Variants in ACCSL observed in about 807,000 individuals in gnomAD.
The protein encoded by ACCSL is 1-aminocyclopropane-1-carboxylate synthase homolog (inactive) like, also known as probable inactive 1-aminocyclopropane-1-carboxylate synthase-like protein 2.
ACCSL carries 55 observed loss-of-function variants against 61.7 expected under a neutral mutation model. The observed-to-expected ratio is 0.89, with a 90% confidence interval of 0.72 to 1.12. The LOEUF (loss-of-function observed/expected upper bound fraction) is 1.12. Among genes scored for constraint, ACCSL ranks in the 50% most tolerant of loss-of-function variants. The pLI is 0.00. For synonymous variants in ACCSL, 258 were observed against 264.3 expected, an observed-to-expected ratio of 0.98 and a Z score of 0.23; for missense variants, 632 against 698.0, an observed-to-expected ratio of 0.91 and a Z score of 1.07.
chr11:44,041,409 C>A, the ACCSL span, among the ~76,000 whole-genome samples: 1 of 152,152 alleles, frequency 6.6e-6, no homozygotes, highest in Non-Finnish European at 1.5e-5. Context: ...TTAGCTATAT[C>A]TAATTGCCTG....
chr11:43,955,627 G>A, the ACCSL span, among the ~76,000 whole-genome samples: 1 of 152,090 alleles, frequency 6.6e-6, no homozygotes, highest in Non-Finnish European at 1.5e-5. Flanking sequence ...GGTTCAGTGG[G>A]TCTGGGTGAA....
the ACCSL span, among the ~76,000 whole-genome samples, chr11:43,958,627 C>T: frequency 6.6e-6 from 1 of 152,230 alleles, no homozygotes; most frequent in South Asian, 2.1e-4. Context: ...TGGGCAGTTA[C>T]ACATTCAGTC....
intron 9 of ACCSL, among the ~76,000 whole-genome samples, chr11:44,055,748 C>A (rs1952667256): frequency 6.6e-6 from 1 of 152,262 alleles, no homozygotes; most frequent in African/African-American, 2.4e-5. Flanking sequence ...TGACCCACAT[C>A]TGAAGAGCCA....
the ACCSL span, among the ~76,000 whole-genome samples, chr11:43,966,052 A>T: frequency 1.3e-5 from 2 of 152,176 alleles, no homozygotes; most frequent in African/African-American, 4.8e-5. Context: ...GGATTTGTCA[A>T]TGGTTTCTTA....
the ACCSL span, among the ~76,000 whole-genome samples, chr11:43,964,037 T>A: frequency 6.6e-6 from 1 of 150,898 alleles, no homozygotes; most frequent in African/African-American, 2.4e-5. Flanking sequence ...CAGTATAGAG[T>A]TGGATTTTAT....
the ACCSL span, among the ~76,000 whole-genome samples, chr11:44,040,135 G>A: frequency 6.6e-6 from 1 of 152,210 alleles, no homozygotes; most frequent in Non-Finnish European, 1.5e-5. Context: ...TCTGCCCTGG[G>A]TTAACCCACT....
At chr11:43,984,165 T>C in the ACCSL span, among the ~76,000 whole-genome samples, 1 of 152,014 alleles carries the variant, frequency 6.6e-6, no homozygotes, top group African/African-American at 2.4e-5. Flanking sequence ...TGAGACATAA[T>C]GTATATAAAA....
At chr11:43,962,662 G>A in the ACCSL span, among the ~76,000 whole-genome samples, 12 of 152,282 alleles carry the variant, frequency 7.9e-5, no homozygotes, top group South Asian at 2.3e-3. Flanking sequence ...AATAGCTGTC[G>A]TTAATGCAAG....
the ACCSL span, among the ~76,000 whole-genome samples, chr11:44,027,047 A>G: frequency 6.6e-6 from 1 of 152,144 alleles, no homozygotes; most frequent in Non-Finnish European, 1.5e-5. Context: ...TTTAAAGTCT[A>G]TATTCTTTAT....
rs372620308 is a variant in ACCSL at position 44,048,068 on chromosome 11, C to A, written c.32C>A (p.Pro11His). The A allele has an allele frequency of 6.8e-6, 11 of 1,613,676 alleles. No homozygotes were observed. In the African/African-American group the frequency reaches 1.2e-4, roughly 18 times the overall value. ...CATCGGTCAGACACCCTTCCTGTGC[C>A]CTCTGGTCAGAGGAGAGGCCGGGTC... MSHRSDTLPV[P>H]SGQRRGRVPR... is the part of the protein sequence containing the mutation. Residue 11 changes from proline (P) to histidine (H), a missense_variant, in exon 1 of 14, where the codon CCC becomes CAC. By Grantham distance (77) the Pro-to-His change is moderately conservative. Coordinates refer to ENST00000378832, the MANE Select transcript of ACCSL (RefSeq NM_001031854.2).
At chr11:43,964,549 T>C in the ACCSL span, among the ~76,000 whole-genome samples, 1 of 151,898 alleles carries the variant, frequency 6.6e-6, no homozygotes, top group Non-Finnish European at 1.5e-5. Flanking sequence ...TTAACATCAG[T>C]ACACCTCAAA....
At chr11:44,055,001 C>T (rs751771541) in intron 8 of ACCSL, among the ~76,000 whole-genome samples, 1 of 152,170 alleles carries the variant, frequency 6.6e-6, no homozygotes, top group Non-Finnish European at 1.5e-5. Context: ...AGGGTCCCTT[C>T]TGATGTACCA....
At chr11:43,981,559 A>G in the ACCSL span, among the ~76,000 whole-genome samples, 604 of 152,354 alleles carry the variant, frequency 4.0e-3, 3 homozygotes, top group African/African-American at 0.014. Context: ...GCAACACTAC[A>G]TATGTCCATC....
the ACCSL span, among the ~76,000 whole-genome samples, chr11:44,031,506 T>A: frequency 2.0e-4 from 31 of 152,192 alleles, no homozygotes; most frequent in Non-Finnish European, 3.7e-4. Context: ...GAATCTTAGC[T>A]TTCCCACTGG....
chr11:44,006,641 G>C, the ACCSL span, among the ~76,000 whole-genome samples: 2 of 151,622 alleles, frequency 1.3e-5, no homozygotes, highest in Non-Finnish European at 2.9e-5. Context: ...GAGTAGCTGG[G>C]ATTAGAGACA....
chr11:43,982,137 C>T, the ACCSL span, among the ~76,000 whole-genome samples: 3 of 151,404 alleles, frequency 2.0e-5, no homozygotes, highest in South Asian at 2.1e-4. Context: ...AAGGTGGCCG[C>T]GGCTCAGCTG....
the ACCSL span, among the ~76,000 whole-genome samples, chr11:43,982,908 T>C: frequency 6.6e-6 from 1 of 152,176 alleles, no homozygotes; most frequent in Admixed American, 6.5e-5. Flanking sequence ...GCGGTACAGC[T>C]GGCCTCTGCC....
chr11:43,938,328 G>A, the ACCSL span, among the ~76,000 whole-genome samples: 3 of 152,102 alleles, frequency 2.0e-5, no homozygotes, highest in South Asian at 2.1e-4. Flanking sequence ...ATGCTGACTC[G>A]GGCTTGAGCA....
the ACCSL span, among the ~76,000 whole-genome samples, chr11:43,991,211 A>G: frequency 6.6e-5 from 10 of 152,242 alleles, no homozygotes; most frequent in Admixed American, 5.2e-4. Context: ...GCAGTGCCCT[A>G]TGCAAAGTCT....
Sources: allele counts gnomAD v4.1 joint callset (sites outside exome capture counted in the v4.1 genomes callset), GRCh38; gene constraint gnomAD v4.1.1; transcripts MANE v1.5; gene names NCBI Gene and HGNC (gene_info 2026-07-23, HGNC 2026-07-21).